The following CFAP251 variants were observed in gnomAD, a reference collection of about 807,000 sequenced individuals.
The protein encoded by CFAP251 is cilia- and flagella-associated protein 251.
A neutral mutation model predicts 126.7 loss-of-function variants in CFAP251; 93 were observed. The observed-to-expected ratio is 0.73, with a 90% CI of 0.62 to 0.87. CFAP251 has a LOEUF of 0.87. Among genes scored for constraint, CFAP251 ranks in the 40% least tolerant of loss-of-function variants. The pLI is 0.00. For synonymous variants in CFAP251, 503 were observed against 506.9 expected, an observed-to-expected ratio of 0.99 and a Z score of 0.10; for missense variants, 1,287 against 1,389.2, an observed-to-expected ratio of 0.93 and a Z score of 1.17.
intron 17 of CFAP251, chr12:121,971,750 C>A (rs146433610): frequency 2.4e-4 from 152 of 631,700 alleles, no homozygotes; most frequent in Middle Eastern, 1.5e-3. Flanking sequence ...TGTCTCCAAT[C>A]TTTGTGATAT....
At chr12:121,942,266 T>C (rs1285694652) in intron 5 of CFAP251, among the ~76,000 whole-genome samples, 1 of 152,184 alleles carries the variant, frequency 6.6e-6, no homozygotes, top group African/African-American at 2.4e-5. Flanking sequence ...GGTTTGCCTA[T>C]TCCGGCCGTT....
intron 17 of CFAP251, chr12:121,969,780 A>G: frequency 1.0e-6 from 1 of 985,432 alleles, no homozygotes; most frequent in Non-Finnish European, 1.2e-6. Flanking sequence ...CCCAGCTAGA[A>G]CCTTCCTTCT....
Position 121,991,717 on chromosome 12 carries a change from G to A in CFAP251, c.3007-7999G>A, listed in dbSNP as rs577139342. On this transcript the variant is annotated intron_variant, in intron 19 of 21. Coordinates refer to ENST00000288912, the MANE Select transcript of CFAP251 (RefSeq NM_144668.6). ...ACCAATTAAATCAGGATCTCAGCTG[G>A]TTGTGGTGGCTCATTCCTGTAATCC... Among the ~76,000 whole-genome samples the A allele has an allele frequency of 3.9e-5, 6 of 152,300 alleles. No homozygotes were observed. The East Asian group carries it at 1.2e-3, about 29-fold the overall frequency.
intron 3 of CFAP251, among the ~76,000 whole-genome samples, chr12:121,925,125 A>C (rs976940345): frequency 6.6e-6 from 1 of 152,052 alleles, no homozygotes; most frequent in African/African-American, 2.4e-5. Context: ...ACATGACCCC[A>C]AAACCATCCA....
intron 19 of CFAP251, among the ~76,000 whole-genome samples, chr12:121,980,814 A>T (rs2135804013): frequency 6.6e-6 from 1 of 152,310 alleles, no homozygotes; most frequent in East Asian, 1.9e-4. Flanking sequence ...TTGGCCTAAC[A>T]CTTGGTACTT....
chr12:121,920,398 A>ATTT lies in CFAP251; in HGVS notation c.-20-874_-20-872dup, dbSNP rs35621554. ...ACCACCACCACACCAGGCTTTTTGT[A>ATTT]TTTTTTTTTTTTTTTTGAGACGGAG... On this transcript the variant is annotated intron_variant, in intron 1 of 21. Coordinates refer to ENST00000288912, the MANE Select transcript of CFAP251 (RefSeq NM_144668.6). 1.5e-3 allele frequency among the ~76,000 whole-genome samples: 145 copies of ATTT among 96,332 alleles called. 5 individuals are homozygous for ATTT. The highest frequency in any genetic ancestry group is 4.7e-3 in the African/African-American group (116 of 24,774). 63.2% of individuals were successfully genotyped at this position (96,332 alleles called of 152,430 possible). A position where few individuals can be genotyped will look rare whatever the true frequency, so the allele number is the denominator to read the frequency against.
At chr12:121,921,792 CTTTTT>C in intron 2 of CFAP251, 109 bp downstream of exon 2, 1 of 796,272 alleles carries the variant, frequency 1.3e-6, no homozygotes, top group Non-Finnish European at 1.8e-6. Context: ...CAATCCATTC[CTTTTT>C]TTTTTTTTTT....
chr12:121,942,367 C>T (rs879681545), intron 5 of CFAP251, among the ~76,000 whole-genome samples, 167 bp from the exon 6 acceptor site: 22 of 152,178 alleles, frequency 1.4e-4, no homozygotes, highest in Non-Finnish European at 2.8e-4. Flanking sequence ...TCATAGCATG[C>T]ATCAGTGCTT....
chr12:121,922,867 G>T (rs1343784169), intron 2 of CFAP251, among the ~76,000 whole-genome samples: 3 of 152,082 alleles, frequency 2.0e-5, no homozygotes, highest in African/African-American at 7.2e-5. Flanking sequence ...TTGGCTCACT[G>T]CAAGCTCCGC....
At chr12:121,975,018 AC>A (rs1324516924) in intron 17 of CFAP251, among the ~76,000 whole-genome samples, 1 of 152,144 alleles carries the variant, frequency 6.6e-6, no homozygotes, top group Non-Finnish European at 1.5e-5. Flanking sequence ...AGAGAATATC[AC>A]CATAATTAAG....
rs139022593 is a variant in CFAP251, at chr12:121,962,194, C to T, written c.2492+32C>T. 167 of 1,598,602 alleles carry T rather than the reference C, an allele frequency of 1.0e-4. No homozygotes were observed. The East Asian group carries it at 2.4e-3, about 23-fold the overall frequency. ...ACCCGGAGCTTCCCATTGCAGGGGG[C>T]GTGGATCAAGTTCTCTGCCCCCAAC... On this transcript the variant is annotated intron_variant, in intron 15 of 21. Coordinates refer to ENST00000288912, the MANE Select transcript of CFAP251 (RefSeq NM_144668.6).
chr12:121,991,910 T>C lies in CFAP251; in HGVS notation c.3007-7806T>C, dbSNP rs910440803. 1.4e-4 allele frequency among the ~76,000 whole-genome samples: 21 copies of C among 152,050 alleles called. 1 individual carries two copies. Among genetic ancestry groups the C allele is most frequent in the Non-Finnish European group, 1.6e-4 (11 of 68,000 alleles). On this transcript the variant is annotated intron_variant, in intron 19 of 21. Transcript: ENST00000288912. ...TGGGAGGCTGAGGCAGGAGAATTGG[T>C]TGGACTCAGGAGGTGGAGGTTGCTG...
intron 5 of CFAP251, among the ~76,000 whole-genome samples, chr12:121,935,650 GAC>G (rs1880864351): frequency 6.6e-6 from 1 of 152,172 alleles, no homozygotes; most frequent in East Asian, 1.9e-4. Context: ...CCAGCCTTTT[GAC>G]ACACTCTGGT....
At chr12:122,000,592 A>G (rs1883127566) in intron 20 of CFAP251, among the ~76,000 whole-genome samples, 1 of 152,196 alleles carries the variant, frequency 6.6e-6, no homozygotes, top group Admixed American at 6.5e-5. Flanking sequence ...AAGAAAACAA[A>G]TATTTGGATT....
intron 9 of CFAP251, chr12:121,953,405 C>T (rs898229446): frequency 6.6e-6 from 1 of 152,264 alleles, no homozygotes; most frequent in Non-Finnish European, 1.5e-5. Context: ...TGCACATGCA[C>T]TTCTGCAAAT....
chr12:121,968,507 G>A (rs1882227102), intron 17 of CFAP251, among the ~76,000 whole-genome samples: 1 of 151,648 alleles, frequency 6.6e-6, no homozygotes, highest in African/African-American at 2.4e-5. Context: ...ATAGTAAGAG[G>A]ATCATTTCAA....
chr12:121,967,402 G>A (rs1192378890), intron 16 of CFAP251, among the ~76,000 whole-genome samples: 6 of 152,190 alleles, frequency 3.9e-5, no homozygotes, highest in African/African-American at 4.8e-5. Context: ...AATAATCTGC[G>A]TTGAAAAGTG....
intron 16 of CFAP251, 102 bp from the exon 17 acceptor site, chr12:121,967,904 G>T: frequency 9.3e-7 from 1 of 1,077,292 alleles, no homozygotes; most frequent in Non-Finnish European, 1.4e-6. Flanking sequence ...AGACACACAG[G>T]TCCTTCTGGC....
At chr12:121,995,352 A>G (rs933462079) in intron 19 of CFAP251, among the ~76,000 whole-genome samples, 4 of 152,280 alleles carry the variant, frequency 2.6e-5, no homozygotes, top group African/African-American at 9.6e-5. Context: ...AAAATTATAC[A>G]TGATTTAACA....
Sources: allele counts gnomAD v4.1 joint callset (sites outside exome capture counted in the v4.1 genomes callset), GRCh38; gene constraint gnomAD v4.1.1; transcripts MANE v1.5; gene names NCBI Gene and HGNC (gene_info 2026-07-23, HGNC 2026-07-21).